The following CPHXL variants were observed in gnomAD, a reference collection of about 807,000 sequenced individuals.
The protein encoded by CPHXL is cytoplasmic polyadenylated homeobox like.
intron 1 of CPHXL, among the ~76,000 whole-genome samples, chr16:75,725,842 C>T (rs563250108): frequency 2.8e-5 from 4 of 144,368 alleles, no homozygotes; most frequent in South Asian, 4.5e-4. Flanking sequence ...ATTGATCCCC[C>T]TGCTTTGGCC....
chr16:75,719,902 A>G (rs1185944318), intron 1 of CPHXL, among the ~76,000 whole-genome samples: 1 of 152,094 alleles, frequency 6.6e-6, no homozygotes, highest in East Asian at 1.9e-4. Flanking sequence ...CTCCGAGACA[A>G]AACTTCTAGA....
intron 1 of CPHXL, among the ~76,000 whole-genome samples, chr16:75,719,413 C>A (rs576858339): frequency 6.6e-6 from 1 of 152,272 alleles, no homozygotes; most frequent in African/African-American, 2.4e-5. Flanking sequence ...CCTAATACTG[C>A]GCTTTTCCAA....
rs889864051 is a variant in CPHXL, at chr16:75,714,207, C to T, written c.*17G>A. ...CATCCTTGGTTCCCTGCTGCAGACCCTTGTCCACTCTTCAACTTAAAGTTG... is the reference window on the plus strand; with the variant it reads ...CATCCTTGGTTCCCTGCTGCAGACCTTTGTCCACTCTTCAACTTAAAGTTG... On this transcript the variant is annotated 3_prime_UTR_variant, in exon 3 of 3. Transcript: ENST00000640559. 2.5e-5 allele frequency: 10 copies of T among 398,582 alleles called. No homozygotes were observed. Among genetic ancestry groups the T allele is most frequent in the African/African-American group, 1.4e-4 (7 of 48,632 alleles). 24.7% of individuals were successfully genotyped at this position (398,582 alleles called of 1,614,324 possible).
chr16:75,723,933 CCA>C (rs1959516307), intron 1 of CPHXL, among the ~76,000 whole-genome samples: 7 of 152,014 alleles, frequency 4.6e-5, no homozygotes, highest in African/African-American at 1.7e-4. Flanking sequence ...GAGGTATAGA[CCA>C]ATGCAACAAA....
In CPHXL at chr16:75,714,470, G is replaced by C. The variant is rs1164450137; in HGVS notation, c.972C>G (p.Tyr324Ter). ...HLQQHQQPQN[Y>*]LEGMMLQEQL... ...GTTCCTGCAACATCATCCCCTCTAAGTAATTCTGAGGCTGTTGGTGCTGCT... is the reference window on the plus strand; with the variant it reads ...GTTCCTGCAACATCATCCCCTCTAACTAATTCTGAGGCTGTTGGTGCTGCT... The change falls in exon 3 of 3, where the codon TAC becomes TAG. Residue 324 changes from tyrosine to a stop codon, truncating the protein, a stop_gained. Coordinates refer to ENST00000640559, the MANE Select transcript of CPHXL (RefSeq NM_001355613.1). LOFTEE classifies it low-confidence loss of function (END_TRUNC). 2.5e-6 allele frequency: 1 copy of C among 398,490 alleles called. No homozygotes were observed. The highest frequency in any genetic ancestry group is 2.1e-5 in the African/African-American group (1 of 48,608). The allele number at this position is 398,490 out of a possible 1,614,324, so 24.7% of individuals were successfully genotyped here. A position where few individuals can be genotyped will look rare whatever the true frequency, so the allele number is the denominator to read the frequency against.
At chr16:75,720,378 G>A (rs1398628034) in intron 1 of CPHXL, among the ~76,000 whole-genome samples, 2 of 152,128 alleles carry the variant, frequency 1.3e-5, no homozygotes, top group Non-Finnish European at 2.9e-5. Context: ...GAATGGCTAA[G>A]TAGAATAACC....
intron 1 of CPHXL, among the ~76,000 whole-genome samples, chr16:75,725,832 A>G (rs543061528): frequency 2.2e-5 from 3 of 135,224 alleles, no homozygotes; most frequent in South Asian, 2.4e-4. Flanking sequence ...CCTGGGTTCA[A>G]TTGATCCCCC....
rs986973787 is a variant in CPHXL, at chr16:75,718,325, G to C, written c.159C>G (p.Pro53=). The C allele has an allele frequency of 1.3e-5, 5 of 398,596 alleles. No homozygotes were observed. The highest frequency in any genetic ancestry group is 8.2e-5 in the African/African-American group (4 of 48,596). The allele number at this position is 398,596 out of a possible 1,614,324, so 24.7% of individuals were successfully genotyped here. A position where few individuals can be genotyped will look rare whatever the true frequency, so the allele number is the denominator to read the frequency against. The change falls in exon 2 of 3, where the codon CCC becomes CCG. Residue 53 remains proline (P), a synonymous_variant. Transcript: ENST00000640559. ...CCAGTGTTTTCCTAGTTGTGTAATC[G>C]GGATAACAGTTCTCTCCAAATATTT... ...LKEIFGENCY[P]DYTTRKTLAI...
chr16:75,717,761 A>G (rs1382853906), intron 2 of CPHXL, among the ~76,000 whole-genome samples: 2 of 151,952 alleles, frequency 1.3e-5, no homozygotes, highest in African/African-American at 2.4e-5. Flanking sequence ...CTTTCCAAAT[A>G]TTTTTCATTT....
chr16:75,725,454 CTT>C (rs1047915594), intron 1 of CPHXL, among the ~76,000 whole-genome samples: 11 of 137,808 alleles, frequency 8.0e-5, no homozygotes, highest in Non-Finnish European at 7.9e-5. Flanking sequence ...GTGGCTTCCT[CTT>C]TTTTTTTTTT....
intron 1 of CPHXL, among the ~76,000 whole-genome samples, chr16:75,723,589 A>G (rs1457319088): frequency 2.0e-5 from 3 of 152,188 alleles, no homozygotes; most frequent in Non-Finnish European, 2.9e-5. Context: ...CCACTGCTCA[A>G]TGAAATAAAA....
chr16:75,723,326 T>C (rs1382771438), intron 1 of CPHXL, among the ~76,000 whole-genome samples: 3 of 152,138 alleles, frequency 2.0e-5, no homozygotes, highest in East Asian at 1.9e-4. Context: ...TGTTTGCAGA[T>C]GACATGATTG....
chr16:75,723,722 G>A (rs896868313), intron 1 of CPHXL, among the ~76,000 whole-genome samples: 2 of 151,964 alleles, frequency 1.3e-5, no homozygotes, highest in Admixed American at 1.3e-4. Flanking sequence ...AGCTACCAAT[G>A]ACTTTCTTCA....
chr16:75,721,861 A>T (rs1047242044), intron 1 of CPHXL, among the ~76,000 whole-genome samples: 3 of 152,100 alleles, frequency 2.0e-5, no homozygotes, highest in Admixed American at 6.6e-5. Flanking sequence ...GAAGTAAAGC[A>T]CTCCTCAGCA....
chr16:75,715,611 TCA>T (rs1166712587), intron 2 of CPHXL, among the ~76,000 whole-genome samples: 3 of 152,272 alleles, frequency 2.0e-5, no homozygotes, highest in African/African-American at 7.2e-5. Flanking sequence ...CATGCATAGT[TCA>T]CACAACCCTG....
intron 1 of CPHXL, among the ~76,000 whole-genome samples, chr16:75,724,049 G>T (rs906223118): frequency 5.9e-5 from 9 of 152,226 alleles, no homozygotes; most frequent in Non-Finnish European, 1.3e-4. Flanking sequence ...AATAAATGGT[G>T]CTGGGAAAGT....
chr16:75,716,937 A>G (rs997507885), intron 2 of CPHXL, among the ~76,000 whole-genome samples: 1 of 152,230 alleles, frequency 6.6e-6, no homozygotes, highest in Non-Finnish European at 1.5e-5. Flanking sequence ...TTTATCTGAC[A>G]TATGAAACTT....
At chr16:75,723,482 G>A (rs1204340257) in intron 1 of CPHXL, among the ~76,000 whole-genome samples, 1 of 152,192 alleles carries the variant, frequency 6.6e-6, no homozygotes, top group Non-Finnish European at 1.5e-5. Context: ...GCCAAATCAT[G>A]AGTGAACTCC....
chr16:75,720,220 C>A (rs189109417), intron 1 of CPHXL, among the ~76,000 whole-genome samples: 1 of 152,308 alleles, frequency 6.6e-6, no homozygotes, highest in East Asian at 1.9e-4. Context: ...AGGAACGCAG[C>A]TCCTCACCAG....
Sources: gnomAD v4.1 joint callset for allele counts (sites outside exome capture counted in the v4.1 genomes callset) on GRCh38, gnomAD v4.1.1 for gene constraint, MANE v1.5 for transcripts, NCBI Gene and HGNC (gene_info 2026-07-23, HGNC 2026-07-21) for gene names.